The following COG5 variants were observed in gnomAD, a reference collection of about 807,000 sequenced individuals.
COG5 encodes conserved oligomeric Golgi complex subunit 5.
A neutral mutation model predicts 110.4 loss-of-function variants in COG5; 86 were observed. The observed-to-expected ratio is 0.78, with a 90% CI of 0.65 to 0.93. The LOEUF is 0.93. Among genes scored for constraint, COG5 ranks in the 40% least tolerant of loss-of-function variants. COG5 has a pLI of 0.00. For synonymous variants in COG5, 360 were observed against 334.6 expected, an observed-to-expected ratio of 1.08 and a Z score of -0.83; for missense variants, 1,077 against 987.0, an observed-to-expected ratio of 1.09 and a Z score of -1.22.
intron 1 of COG5, among the ~76,000 whole-genome samples, chr7:107,559,816 A>G (rs1421979607): frequency 6.6e-6 from 1 of 152,246 alleles, no homozygotes; most frequent in Admixed American, 6.5e-5. Flanking sequence ...GGCAAATGCC[A>G]TGGCATATTT....
At chr7:107,377,813 A>G (rs1233914503) in intron 7 of COG5, among the ~76,000 whole-genome samples, 1 of 152,228 alleles carries the variant, frequency 6.6e-6, no homozygotes, top group Non-Finnish European at 1.5e-5. Flanking sequence ...GCTTATAGGT[A>G]AAACTCCCAT....
intron 6 of COG5, among the ~76,000 whole-genome samples, chr7:107,454,930 T>C (rs1005011152): frequency 6.6e-6 from 1 of 152,186 alleles, no homozygotes; most frequent in Admixed American, 6.5e-5. Flanking sequence ...TTCTAATATG[T>C]CTTAATATGT....
intron 10 of COG5, among the ~76,000 whole-genome samples, chr7:107,359,668 T>A (rs1812926012): frequency 6.6e-6 from 1 of 152,142 alleles, no homozygotes. Flanking sequence ...CTGAAGCCCA[T>A]AAAAACCCCT....
intron 6 of COG5, among the ~76,000 whole-genome samples, chr7:107,463,469 A>T (rs149914961): frequency 1.3e-5 from 2 of 152,232 alleles, no homozygotes; most frequent in African/African-American, 2.4e-5. Context: ...ACACCTCTTT[A>T]CATGCAGCAG....
intron 6 of COG5, among the ~76,000 whole-genome samples, chr7:107,526,278 G>T (rs988682010): frequency 2.6e-5 from 4 of 152,116 alleles, no homozygotes; most frequent in African/African-American, 9.7e-5. Context: ...AAATAAGTGG[G>T]TACCCAGTGA....
At chr7:107,400,317 C>T (rs1265204116) in intron 7 of COG5, among the ~76,000 whole-genome samples, 2 of 130,882 alleles carry the variant, frequency 1.5e-5, no homozygotes, top group East Asian at 3.9e-4. Context: ...CTGTATAACT[C>T]TAATTATGTA....
intron 12 of COG5, among the ~76,000 whole-genome samples, chr7:107,296,368 A>G (rs979594474): frequency 2.3e-4 from 35 of 152,236 alleles, no homozygotes; most frequent in African/African-American, 8.2e-4. Context: ...GCAGAAATAG[A>G]ATACTATATT....
At chr7:107,366,794 C>T (rs776883711) in intron 8 of COG5, among the ~76,000 whole-genome samples, 1 of 152,108 alleles carries the variant, frequency 6.6e-6, no homozygotes, top group African/African-American at 2.4e-5. Flanking sequence ...TTATCCAATT[C>T]TCCCCATGTG....
At chr7:107,229,890 C>T (rs1404524178) in intron 19 of COG5, among the ~76,000 whole-genome samples, 2 of 127,674 alleles carry the variant, frequency 1.6e-5, no homozygotes, top group African/African-American at 6.0e-5. Flanking sequence ...CTCACTCTGT[C>T]GCCAGGCTGG....
chr7:107,525,651 C>T (rs1460704481), intron 6 of COG5, among the ~76,000 whole-genome samples: 3 of 151,992 alleles, frequency 2.0e-5, no homozygotes, highest in South Asian at 2.1e-4. Context: ...CTTGTGGGCT[C>T]GAGTGATCCT....
At chr7:107,529,825 C>G (rs1379725876) in intron 5 of COG5, among the ~76,000 whole-genome samples, 1 of 152,176 alleles carries the variant, frequency 6.6e-6, no homozygotes, top group Non-Finnish European at 1.5e-5. Context: ...CAGTCGAATT[C>G]TTTCTTCTGA....
chr7:107,453,341 T>G (rs567978925), intron 6 of COG5, among the ~76,000 whole-genome samples: 2 of 152,286 alleles, frequency 1.3e-5, no homozygotes, highest in South Asian at 4.1e-4. Context: ...TTGCTGCATA[T>G]GGTATTAATA....
At chr7:107,417,001 A>G (rs1327097028) in intron 6 of COG5, among the ~76,000 whole-genome samples, 1 of 152,224 alleles carries the variant, frequency 6.6e-6, no homozygotes, top group African/African-American at 2.4e-5. Flanking sequence ...GTACAGCAAT[A>G]TCTCAGAAAT....
chr7:107,545,990 A>G (rs1309215713), intron 5 of COG5, among the ~76,000 whole-genome samples: 1 of 152,164 alleles, frequency 6.6e-6, no homozygotes, highest in Non-Finnish European at 1.5e-5. Flanking sequence ...AAGGCTTAAC[A>G]AACTTAAGAA....
intron 6 of COG5, among the ~76,000 whole-genome samples, chr7:107,452,576 A>C (rs1795404001): frequency 6.6e-6 from 1 of 152,126 alleles, no homozygotes; most frequent in African/African-American, 2.4e-5. Flanking sequence ...TGGTTTTAAA[A>C]ACGGGAGTTT....
chr7:107,514,314 A>T (rs768075812), intron 6 of COG5, among the ~76,000 whole-genome samples: 3 of 149,114 alleles, frequency 2.0e-5, no homozygotes, highest in Non-Finnish European at 4.4e-5. Flanking sequence ...TTTTCTATAT[A>T]AACATGGCCT....
chr7:107,323,240 C>T (rs1240597859), intron 11 of COG5, among the ~76,000 whole-genome samples: 2 of 152,066 alleles, frequency 1.3e-5, no homozygotes, highest in African/African-American at 2.4e-5. Flanking sequence ...CACAAGTAAA[C>T]GGAACAGGCC....
chr7:107,361,898 T>C (rs1162718439), intron 10 of COG5, 135 bp downstream of exon 10: 3 of 658,938 alleles, frequency 4.6e-6, no homozygotes, highest in Admixed American at 2.4e-5. Flanking sequence ...ATTATTATAG[T>C]TGTCAAGAAA....
chr7:107,379,506 T>C (rs187733418), intron 7 of COG5, among the ~76,000 whole-genome samples: 48 of 150,080 alleles, frequency 3.2e-4, no homozygotes, highest in African/African-American at 1.2e-3. Context: ...GACCCATTGG[T>C]GGGCTATACT....
Sources: allele counts gnomAD v4.1 joint callset (sites outside exome capture counted in the v4.1 genomes callset), GRCh38; gene constraint gnomAD v4.1.1; transcripts MANE v1.5; gene names NCBI Gene and HGNC (gene_info 2026-07-23, HGNC 2026-07-21).